The following HECW1 variants were observed in gnomAD, a reference collection of about 807,000 sequenced individuals.
HECW1 encodes the protein E3 ubiquitin-protein ligase HECW1.
A neutral mutation model predicts 182.3 loss-of-function variants in HECW1; 61 were observed. The observed-to-expected ratio is 0.33, with a 90% CI of 0.27 to 0.41. HECW1 has a LOEUF of 0.41. Ranked by LOEUF, HECW1 falls within the 10% of genes least tolerant of loss-of-function variation. The pLI is 1.00. For missense variants in HECW1, 1,739 were observed against 2,108.9 expected (o/e 0.82, Z 3.44); for synonymous variants, 859 against 832.6 (o/e 1.03, Z -0.55).
intron 2 of HECW1, among the ~76,000 whole-genome samples, chr7:43,230,726 A>G (rs1797807088): frequency 1.3e-5 from 2 of 152,232 alleles, no homozygotes; most frequent in African/African-American, 4.8e-5. Context: ...ATAAATATGT[A>G]TACGTATATA....
At chr7:43,314,456 CAGA>C (rs1255477416) in intron 4 of HECW1, among the ~76,000 whole-genome samples, 3 of 150,916 alleles carry the variant, frequency 2.0e-5, no homozygotes, top group Non-Finnish European at 4.4e-5. Flanking sequence ...GGAACTCAAA[CAGA>C]AGAAGAGGAG....
At chr7:43,496,156 A>G (rs2079113342) in intron 19 of HECW1, among the ~76,000 whole-genome samples, 1 of 151,116 alleles carries the variant, frequency 6.6e-6, no homozygotes, top group Admixed American at 6.6e-5. Flanking sequence ...GGAACTTGAA[A>G]TCAGGCCACG....
At chr7:43,340,215 AC>A (rs1342035772) in intron 5 of HECW1, among the ~76,000 whole-genome samples, 1 of 64,330 alleles carries the variant, frequency 1.6e-5, no homozygotes, top group Admixed American at 2.4e-4. Context: ...TCTAATTCCC[AC>A]CCCCCACCCC....
intron 6 of HECW1, among the ~76,000 whole-genome samples, chr7:43,388,736 C>T (rs1223744327): frequency 1.3e-5 from 2 of 152,186 alleles, no homozygotes; most frequent in African/African-American, 4.8e-5. Context: ...AATTCTCATG[C>T]CTCAGCCCCT....
chr7:43,302,257 C>A (rs1261313364), intron 3 of HECW1, among the ~76,000 whole-genome samples: 1 of 152,138 alleles, frequency 6.6e-6, no homozygotes, highest in East Asian at 1.9e-4. Flanking sequence ...GCAGCTCAGG[C>A]CATGGATGAG....
intron 2 of HECW1, among the ~76,000 whole-genome samples, chr7:43,142,785 T>C (rs758272): frequency 0.45 from 68,398 of 152,072 alleles, 15,515 homozygotes; most frequent in African/African-American, 0.46. Context: ...TCCTGTGCCT[T>C]ATGCTCAGAA....
intron 17 of HECW1, among the ~76,000 whole-genome samples, chr7:43,488,438 A>G (rs1237065940): frequency 3.6e-5 from 4 of 110,744 alleles, no homozygotes; most frequent in Non-Finnish European, 3.8e-5. Flanking sequence ...AAGAAAGAGA[A>G]AGAAAGAAAG....
At chr7:43,133,730 C>T (rs929787162) in intron 2 of HECW1, among the ~76,000 whole-genome samples, 24 of 151,884 alleles carry the variant, frequency 1.6e-4, no homozygotes, top group African/African-American at 5.8e-4. Flanking sequence ...TTTTTTAACT[C>T]AAGAACTAAT....
intron 2 of HECW1, among the ~76,000 whole-genome samples, chr7:43,237,729 GATA>G (rs1484217715): frequency 1.3e-5 from 2 of 152,156 alleles, no homozygotes; most frequent in African/African-American, 4.8e-5. Context: ...TGCTTTGCTA[GATA>G]ATACCTCTCC....
In HECW1 at chr7:43,374,647, G is replaced by A. The variant is rs1208832353; in HGVS notation, c.555+13667G>A. ...AAATTAGCCGGGCGCAGTGGCGGGC[G>A]CCTGTAGTCCCAGCTACTTGGGAAG... On this transcript the variant is annotated intron_variant, in intron 6 of 29. Coordinates refer to ENST00000395891, the MANE Select transcript of HECW1 (RefSeq NM_015052.5). 1.9e-5 allele frequency among the ~76,000 whole-genome samples: 2 copies of A among 105,074 alleles called. 1 individual carries two copies. The highest frequency in any genetic ancestry group is 3.6e-5 in the Non-Finnish European group (2 of 55,618). 68.9% of individuals were successfully genotyped at this position (105,074 alleles called of 152,430 possible). A position where few individuals can be genotyped will look rare whatever the true frequency, so the allele number is the denominator to read the frequency against.
chr7:43,445,517 G>C lies in HECW1; in HGVS notation c.2345G>C (p.Arg782Thr), dbSNP rs774814220. 6.2e-7 allele frequency: 1 copy of C among 1,610,520 alleles called. No individual in the cohort carries two copies. Among genetic ancestry groups the C allele is most frequent in the East Asian group, 2.2e-5 (1 of 44,798 alleles). ...GCCGCCCCTAGCGGGCACGTGGAAA[G>C]AAGCCCGGAAGGTCTGGAATCCCCC... ...ELAAPSGHVE[R>T]SPEGLESPVA... Residue 782 changes from arginine (R) to threonine (T), a missense_variant, in exon 11 of 30, where the codon AGA becomes ACA. Physicochemically the swap from Arg to Thr is moderately conservative, Grantham distance 71. Coordinates refer to ENST00000395891, the MANE Select transcript of HECW1 (RefSeq NM_015052.5).
chr7:43,210,655 A>G (rs1795930514), intron 2 of HECW1, among the ~76,000 whole-genome samples: 1 of 152,150 alleles, frequency 6.6e-6, no homozygotes, highest in Non-Finnish European at 1.5e-5. Flanking sequence ...TGGGTCACGG[A>G]AGAGAACCAT....
chr7:43,547,845 T>C (rs768482553), intron 26 of HECW1, among the ~76,000 whole-genome samples: 5 of 152,258 alleles, frequency 3.3e-5, no homozygotes, highest in Non-Finnish European at 5.9e-5. Flanking sequence ...GGTCCCACAA[T>C]GTTATTCAAA....
chr7:43,533,975 T>C (rs956563869), intron 24 of HECW1, among the ~76,000 whole-genome samples: 1 of 152,016 alleles, frequency 6.6e-6, no homozygotes, highest in Non-Finnish European at 1.5e-5. Flanking sequence ...ACTAAGAAGG[T>C]CACCCAAAGC....
At chr7:43,271,733 G>A (rs888680759) in intron 3 of HECW1, among the ~76,000 whole-genome samples, 11 of 152,078 alleles carry the variant, frequency 7.2e-5, no homozygotes, top group East Asian at 1.9e-4. Flanking sequence ...TCCCATGCTC[G>A]TGGATTGAAA....
At chr7:43,323,943 A>G (rs1163141859) in intron 5 of HECW1, among the ~76,000 whole-genome samples, 1 of 152,132 alleles carries the variant, frequency 6.6e-6, no homozygotes, top group East Asian at 1.9e-4. Flanking sequence ...CTGAGGCAGG[A>G]GAATCTCTTG....
At chr7:43,421,577 A>C (rs906488985) in intron 8 of HECW1, among the ~76,000 whole-genome samples, 1 of 152,222 alleles carries the variant, frequency 6.6e-6, no homozygotes, top group African/African-American at 2.4e-5. Context: ...CCTAAAATCA[A>C]AAAGAAAAGG....
At chr7:43,454,445 A>C (rs1437521424) in intron 12 of HECW1, among the ~76,000 whole-genome samples, 1 of 152,232 alleles carries the variant, frequency 6.6e-6, no homozygotes, top group Non-Finnish European at 1.5e-5. Flanking sequence ...CCTAGTAATC[A>C]TATGTATATA....
At position 43,445,495 on chromosome 7, in the gene HECW1, G is replaced by T. The variant is rs938089850; in HGVS notation, c.2323G>T (p.Ala775Ser). The change falls in exon 11 of 30, where the codon GCC (alanine) becomes TCC (serine). Residue 775 changes from alanine to serine, a missense_variant. Physicochemically the swap from Ala to Ser is moderately conservative, Grantham distance 99 (BLOSUM62 1). Around this residue, in one of 5 missense-constraint regions of HECW1, gnomAD observed 971 missense variants for 1,029.1 expected, o/e 0.94. Coordinates refer to ENST00000395891, the MANE Select transcript of HECW1 (RefSeq NM_015052.5). ...TGGGCCGTGGCAAGACGAGCTGGCCGCCCCTAGCGGGCACGTGGAAAGAAG... is the reference window on the plus strand; with the variant it reads ...TGGGCCGTGGCAAGACGAGCTGGCCTCCCCTAGCGGGCACGTGGAAAGAAG... ...GAGPWQDELAAPSGHVERSPE... is the reference protein window; with the variant it reads ...GAGPWQDELASPSGHVERSPE... The T allele has an allele frequency of 1.2e-6, 2 of 1,611,608 alleles. No homozygotes were observed. The highest frequency in any genetic ancestry group is 1.7e-6 in the Non-Finnish European group (2 of 1,178,860).
Sources: gnomAD v4.1 joint callset for allele counts (sites outside exome capture counted in the v4.1 genomes callset) on GRCh38, gnomAD v4.1.1 for gene constraint, gnomAD v4.1.1 regional missense constraint, MANE v1.5 for transcripts, NCBI Gene and HGNC (gene_info 2026-07-23, HGNC 2026-07-21) for gene names.